The following ADAMTS6 variants were observed in gnomAD, a reference collection of about 807,000 sequenced individuals.
The protein encoded by ADAMTS6 is ADAM metallopeptidase with thrombospondin type 1 motif 6.
Under a neutral mutation model 144.3 loss-of-function variants are expected in ADAMTS6, and 23 were observed. The ratio of observed to expected loss-of-function variants is 0.16; its 90% confidence interval spans 0.11 to 0.23. ADAMTS6 has a LOEUF of 0.23. Among genes scored for constraint, ADAMTS6 ranks in the 10% least tolerant of loss-of-function variants. The pLI, the probability that ADAMTS6 is intolerant of heterozygous loss-of-function variation, is 1.00. For missense variants in ADAMTS6, 999 were observed against 1,379.6 expected (o/e 0.72, Z 4.37); for synonymous variants, 444 against 457.5 (o/e 0.97, Z 0.38).
chr5:65,453,101 G>GA (rs5868405), intron 4 of ADAMTS6, among the ~76,000 whole-genome samples, 183 bp from the exon 5 acceptor site: 92,948 of 151,862 alleles, frequency 0.61, 30,351 homozygotes, highest in African/African-American at 0.85. Flanking sequence ...CACGTTATCT[G>GA]AAAAAATTAA....
Position 65,334,020 on chromosome 5 carries a change from AAAAAAACC to A in ADAMTS6, c.1117+14_1117+21del. On this transcript the variant is annotated intron_variant, in intron 8 of 24. Transcript: ENST00000381055. ...ATTAAAAAAAAAAAAAAAAAAAAAA[AAAAAAACC>A]AAAAAAAACTTACCCAGTGTTCCAC... 7.3e-7 allele frequency: 1 copy of A among 1,374,388 alleles called. No individual in the cohort carries two copies. The highest frequency in any genetic ancestry group is 1.6e-5 in the African/African-American group (1 of 62,304). The allele number at this position is 1,374,388 out of a possible 1,614,324, so 85.1% of individuals were successfully genotyped here.
At position 65,451,625 on chromosome 5, in the gene ADAMTS6, A is replaced by G; in HGVS notation, c.928-5T>C. ...GTGGTTTATCTCCAAGTTTGGCTGC[A>G]ATACAACATGCATACCAGAAATGTT... On this transcript the variant is annotated splice_region_variant and splice_polypyrimidine_tract_variant and intron_variant, in intron 6 of 24. Transcript: ENST00000381055. The G allele has an allele frequency of 6.2e-7, 1 of 1,612,816 alleles. No homozygotes were observed. The highest frequency in any genetic ancestry group is 8.5e-7 in the Non-Finnish European group (1 of 1,179,514).
chr5:65,152,038 C>G (rs1255487145), intron 24 of ADAMTS6, 93 bp from the exon 25 acceptor site: 1 of 1,090,926 alleles, frequency 9.2e-7, no homozygotes, highest in Non-Finnish European at 1.4e-6. Flanking sequence ...GCAAGGACCC[C>G]CTTTGGGCCA....
intron 7 of ADAMTS6, among the ~76,000 whole-genome samples, chr5:65,363,108 T>C (rs1167356955): frequency 6.6e-6 from 1 of 152,170 alleles, no homozygotes; most frequent in East Asian, 1.9e-4. Flanking sequence ...TTCAAAGTAG[T>C]GTTTGTATTA....
chr5:65,215,192 T>G lies in ADAMTS6; in HGVS notation c.2436+132A>C. The G allele has an allele frequency of 2.6e-6, 3 of 1,165,312 alleles. No individual in the cohort carries two copies. The Admixed American group carries it at 7.7e-5, about 30-fold the overall frequency. The allele number at this position is 1,165,312 out of a possible 1,614,324, so 72.2% of individuals were successfully genotyped here. A position where few individuals can be genotyped will look rare whatever the true frequency, so the allele number is the denominator to read the frequency against. On this transcript the variant is annotated intron_variant, in intron 19 of 24. Coordinates refer to ENST00000381055, the MANE Select transcript of ADAMTS6 (RefSeq NM_197941.4). The stretch of plus-strand genomic sequence containing the variant: ...TTAACTCTGCACAGCTCTAACACCC[T>G]TGGGTAAATCATTTTATCTTTATTT...
intron 12 of ADAMTS6, among the ~76,000 whole-genome samples, chr5:65,269,983 A>C (rs934361279): frequency 6.6e-6 from 1 of 151,922 alleles, no homozygotes; most frequent in East Asian, 1.9e-4. Context: ...TAGTAGAGAC[A>C]GGGTTTCACC....
intron 20 of ADAMTS6, among the ~76,000 whole-genome samples, chr5:65,212,983 A>G (rs1374171310): frequency 6.6e-6 from 1 of 152,240 alleles, no homozygotes; most frequent in Non-Finnish European, 1.5e-5. Flanking sequence ...AAGTTAATTT[A>G]TAGAATAAAA....
intron 7 of ADAMTS6, among the ~76,000 whole-genome samples, chr5:65,409,652 C>G (rs1580638010): frequency 6.6e-6 from 1 of 152,128 alleles, no homozygotes; most frequent in Admixed American, 6.6e-5. Flanking sequence ...TTTTATGAGG[C>G]CAGCATCATC....
At chr5:65,360,244 G>T (rs181677425) in intron 7 of ADAMTS6, among the ~76,000 whole-genome samples, 66 of 152,272 alleles carry the variant, frequency 4.3e-4, no homozygotes, top group Admixed American at 1.8e-3. Context: ...GAGAGAAGTA[G>T]AAGGTGCTAC....
chr5:65,202,792 T>C (rs1156587349), intron 20 of ADAMTS6, among the ~76,000 whole-genome samples: 1 of 152,204 alleles, frequency 6.6e-6, no homozygotes, highest in Non-Finnish European at 1.5e-5. Context: ...TTGTTTTTTC[T>C]CATCCCAAAT....
intron 8 of ADAMTS6, 103 bp from the exon 9 acceptor site, chr5:65,329,586 C>A: frequency 1.1e-6 from 1 of 929,124 alleles, no homozygotes; most frequent in Non-Finnish European, 1.5e-6. Context: ...CCTCCATGCA[C>A]AGAAGGAGCC....
Position 65,291,444 on chromosome 5 carries a change from T to C in ADAMTS6, c.1397A>G (p.Asn466Ser). ...AAGAAAGTCACGCTTGGGAGGCTCATTATCAAGGCAAGTACCACGGCCTGA... is the reference window on the plus strand; with the variant it reads ...AAGAAAGTCACGCTTGGGAGGCTCACTATCAAGGCAAGTACCACGGCCTGA... The part of the protein sequence containing the change: ...LDSGRGTCLD[N>S]EPPKRDFLYP... The change falls in exon 11 of 25, where the codon AAT (asparagine) becomes AGT (serine). Residue 466 changes from asparagine to serine, a missense_variant. By Grantham distance (46) the Asn-to-Ser change is conservative (BLOSUM62 1). This residue lies in a region of ADAMTS6 where 619 missense variants were observed against 837.0 expected (regional missense o/e 0.74). Coordinates refer to ENST00000381055, the MANE Select transcript of ADAMTS6 (RefSeq NM_197941.4). 1 of 1,613,918 alleles carries C rather than the reference T, an allele frequency of 6.2e-7. No individual in the cohort carries two copies. Among genetic ancestry groups the C allele is most frequent in the African/African-American group, 1.3e-5 (1 of 75,042 alleles).
chr5:65,177,118 G>A (rs930295833), intron 22 of ADAMTS6, among the ~76,000 whole-genome samples: 7 of 152,058 alleles, frequency 4.6e-5, no homozygotes, highest in Non-Finnish European at 8.8e-5. Context: ...GCCTCAGAAG[G>A]ACCCTACCTT....
chr5:65,426,050 C>CT (rs765045274), intron 7 of ADAMTS6, among the ~76,000 whole-genome samples: 16,778 of 143,412 alleles, frequency 0.12, 1,316 homozygotes, highest in Non-Finnish European at 0.17. Flanking sequence ...CGCACACAGA[C>CT]TTTTTTTTTT....
intron 15 of ADAMTS6, among the ~76,000 whole-genome samples, chr5:65,229,599 T>C (rs1354038680): frequency 6.6e-6 from 1 of 152,044 alleles, no homozygotes; most frequent in Non-Finnish European, 1.5e-5. Flanking sequence ...GTTCAATAGA[T>C]AGAAATCATT....
intron 15 of ADAMTS6, among the ~76,000 whole-genome samples, chr5:65,228,932 A>G (rs1181870635): frequency 1.3e-5 from 2 of 152,220 alleles, no homozygotes; most frequent in Non-Finnish European, 2.9e-5. Flanking sequence ...AAGCCAACTC[A>G]TGAGCCATTT....
Position 65,352,701 on chromosome 5 carries a change from T to C in ADAMTS6, c.1074-18616A>G, listed in dbSNP as rs551079892. On this transcript the variant is annotated intron_variant, in intron 7 of 24. Coordinates refer to ENST00000381055, the MANE Select transcript of ADAMTS6 (RefSeq NM_197941.4). ...AAAATGTGCAGGATACCACAGAGCA[T>C]ATATATAACTGCTCATCTCTCATAA... Among the ~76,000 whole-genome samples, 5 of 152,172 alleles carry C rather than the reference T, an allele frequency of 3.3e-5. No homozygotes were observed. In the East Asian group the frequency reaches 7.7e-4, roughly 23 times the overall value.
At chr5:65,223,911 T>C (rs1473343829) in intron 18 of ADAMTS6, among the ~76,000 whole-genome samples, 2 of 151,836 alleles carry the variant, frequency 1.3e-5, no homozygotes, top group Non-Finnish European at 2.9e-5. Flanking sequence ...GTCATTTTCC[T>C]GCCTCAGCCT....
At chr5:65,261,578 G>C (rs1004214779) in intron 13 of ADAMTS6, among the ~76,000 whole-genome samples, 3 of 152,150 alleles carry the variant, frequency 2.0e-5, no homozygotes, top group Non-Finnish European at 4.4e-5. Context: ...GTATCAATGG[G>C]ATCATTAAAG....
Sources: allele counts gnomAD v4.1 joint callset (sites outside exome capture counted in the v4.1 genomes callset), GRCh38; gene constraint gnomAD v4.1.1; regional missense constraint gnomAD v4.1.1; transcripts MANE v1.5; gene names NCBI Gene and HGNC (gene_info 2026-07-23, HGNC 2026-07-21).